Variants in DLGAP2 observed in about 807,000 individuals in gnomAD.
DLGAP2 encodes the protein DLG associated protein 2, also known as disks large-associated protein 2.
DLGAP2 carries 26 observed loss-of-function variants against 100.3 expected under a neutral mutation model. That is an observed-to-expected ratio of 0.26 (90% CI 0.19 to 0.36). DLGAP2 has a LOEUF of 0.36. Among genes scored for constraint, DLGAP2 ranks in the 10% least tolerant of loss-of-function variants. DLGAP2 has a pLI of 1.00. For synonymous variants in DLGAP2, 886 were observed against 630.1 expected (o/e 1.41, Z -6.08); for missense variants, 1,858 against 1,453.2 (o/e 1.28, Z -4.53).
At chr8:1,307,094 G>C (rs1476046144) in intron 3 of DLGAP2, among the ~76,000 whole-genome samples, 1 of 152,090 alleles carries the variant, frequency 6.6e-6, no homozygotes, top group Non-Finnish European at 1.5e-5. Flanking sequence ...CTGAATGAAA[G>C]GGATGGAATG....
In DLGAP2 at chr8:1,148,146, A is replaced by C. The variant is rs144141776; in HGVS notation, c.74-110705A>C. ...TACAGATTTGATATCTTTTCTAGAC[A>C]GGACTGTTAAGATTTTTTTATTTCT... is the stretch of plus-strand genomic sequence containing the variant. On this transcript the variant is annotated intron_variant, in intron 2 of 14. Transcript: ENST00000637795. Among the ~76,000 whole-genome samples the C allele has an allele frequency of 1.9e-4, 29 of 152,302 alleles. No individual in the cohort carries two copies. The East Asian group carries it at 4.8e-3, about 25-fold the overall frequency.
At position 1,570,766 on chromosome 8, in the gene DLGAP2, C is replaced by G. The variant is rs115409969; in HGVS notation, c.1442+4872C>G. 5.9e-3 allele frequency among the ~76,000 whole-genome samples: 789 copies of G among 133,152 alleles called. 8 individuals carry two copies. The highest frequency in any genetic ancestry group is 0.022 in the African/African-American group (747 of 33,770). 87.4% of individuals were successfully genotyped at this position (133,152 alleles called of 152,430 possible). On this transcript the variant is annotated intron_variant, in intron 6 of 14. Coordinates refer to ENST00000637795, the MANE Select transcript of DLGAP2 (RefSeq NM_001346810.2). ...CTGGGATGGAGAGGAGAGGGGTGAA[C>G]TGCGGGGGTGTCTGATGAGATGGAG...
At chr8:1,224,091 G>A (rs1471157242) in intron 2 of DLGAP2, among the ~76,000 whole-genome samples, 1 of 152,162 alleles carries the variant, frequency 6.6e-6, no homozygotes, top group Non-Finnish European at 1.5e-5. Flanking sequence ...GTGGCATCGT[G>A]GCAGACAGAA....
chr8:1,512,964 C>T (rs1270074905), intron 4 of DLGAP2, among the ~76,000 whole-genome samples: 2 of 152,246 alleles, frequency 1.3e-5, no homozygotes, highest in Non-Finnish European at 2.9e-5. Flanking sequence ...ATGGGAGAGG[C>T]CACAGGCCAG....
At chr8:884,339 G>A (rs1797879496) in intron 1 of DLGAP2, among the ~76,000 whole-genome samples, 1 of 152,178 alleles carries the variant, frequency 6.6e-6, no homozygotes, top group Non-Finnish European at 1.5e-5. Context: ...CATTCTGACT[G>A]GCATGAGATG....
At chr8:1,070,603 G>A (rs879938365) in intron 2 of DLGAP2, among the ~76,000 whole-genome samples, 2 of 152,252 alleles carry the variant, frequency 1.3e-5, no homozygotes, top group South Asian at 2.1e-4. Context: ...AGTTTGAAAG[G>A]TGCAGCTTTC....
rs1280329368 is a variant in DLGAP2 at position 1,235,876 on chromosome 8, T to C, written c.74-22975T>C. 4.6e-4 allele frequency among the ~76,000 whole-genome samples: 4 copies of C among 8,650 alleles called. 2 individuals carry two copies. The East Asian group carries it at 6.0e-3, about 13-fold the overall frequency. The allele number at this position is 8,650 out of a possible 152,430, so 5.7% of individuals were successfully genotyped here. A position where few individuals can be genotyped will look rare whatever the true frequency, so the allele number is the denominator to read the frequency against. The stretch of plus-strand genomic sequence containing the variant: ...TGGTTCTCTCACATGGCGCCGTGTC[T>C]AGTTCTCTGCCACATGGCGCCGTGT... On this transcript the variant is annotated intron_variant, in intron 2 of 14. Transcript: ENST00000637795.
At chr8:1,409,898 C>G (rs1256774129) in intron 3 of DLGAP2, among the ~76,000 whole-genome samples, 1 of 152,224 alleles carries the variant, frequency 6.6e-6, no homozygotes, top group South Asian at 2.1e-4. Context: ...ACACCTGACC[C>G]CGTGGGTCTC....
At chr8:1,090,710 C>A (rs952627667) in intron 2 of DLGAP2, among the ~76,000 whole-genome samples, 1 of 152,202 alleles carries the variant, frequency 6.6e-6, no homozygotes, top group Non-Finnish European at 1.5e-5. Context: ...GACTCCAGGG[C>A]ACCCTGGGGT....
chr8:904,478 C>T (rs1798333936), intron 1 of DLGAP2, among the ~76,000 whole-genome samples: 1 of 152,196 alleles, frequency 6.6e-6, no homozygotes, highest in Non-Finnish European at 1.5e-5. Context: ...TGGGATCGCA[C>T]CACTGCACTC....
In DLGAP2 at chr8:816,187, A is replaced by C. The variant is rs185984922; in HGVS notation, c.18+78362A>C. On this transcript the variant is annotated intron_variant, in intron 1 of 14. Transcript: ENST00000637795. ...CTACCATTCTGTATCTTTTAAGTGGAACATTTAGTACATTTACATTCAATG... is the reference window on the plus strand; with the variant it reads ...CTACCATTCTGTATCTTTTAAGTGGCACATTTAGTACATTTACATTCAATG... 1.4e-3 allele frequency among the ~76,000 whole-genome samples: 214 copies of C among 152,122 alleles called. 1 individual carries two copies. The highest frequency in any genetic ancestry group is 5.1e-3 in the African/African-American group (210 of 41,496).
intron 3 of DLGAP2, chr8:1,262,486 G>A (rs1799371461): frequency 6.6e-6 from 1 of 152,118 alleles, no homozygotes; most frequent in Non-Finnish European, 1.5e-5. Context: ...TTTAGTTAAC[G>A]AGGGTCTGGA....
At chr8:1,281,888 A>T (rs73670707) in intron 3 of DLGAP2, among the ~76,000 whole-genome samples, 3,366 of 152,340 alleles carry the variant, frequency 0.022, 131 homozygotes, top group African/African-American at 0.077. Flanking sequence ...GAGACGTTCA[A>T]ACCACAGCCA....
intron 3 of DLGAP2, among the ~76,000 whole-genome samples, chr8:1,441,495 C>T (rs539225844): frequency 6.6e-6 from 1 of 152,078 alleles, no homozygotes; most frequent in South Asian, 2.1e-4. Flanking sequence ...CAAGACCATC[C>T]TGGCAAACAT....
chr8:1,282,380 C>G (rs1488812868), intron 3 of DLGAP2, among the ~76,000 whole-genome samples: 76,948 of 114,486 alleles, frequency 0.67, 26,471 homozygotes, highest in Non-Finnish European at 0.73. Flanking sequence ...AACCCAGCAC[C>G]TGAAGCATCC....
rs1168903408 is a variant in DLGAP2 at position 1,322,685 on chromosome 8, C to A, written c.106+63802C>A. ...CACCCACCCATCGTGCTGCGTCCTG[C>A]CTCTGTGACTTCACACATGTTGTTC... On this transcript the variant is annotated intron_variant, in intron 3 of 14. Transcript: ENST00000637795. Among the ~76,000 whole-genome samples the A allele has an allele frequency of 5.3e-5, 8 of 152,370 alleles. 1 individual carries two copies. The highest frequency in any genetic ancestry group is 5.9e-5 in the Non-Finnish European group (4 of 68,044).
At chr8:1,542,393 C>T (rs1801392267) in intron 4 of DLGAP2, among the ~76,000 whole-genome samples, 1 of 152,194 alleles carries the variant, frequency 6.6e-6, no homozygotes, top group South Asian at 2.1e-4. Flanking sequence ...CCTTAGCAGC[C>T]GCCTGCCCTC....
chr8:1,490,066 G>A (rs975417817), intron 3 of DLGAP2, among the ~76,000 whole-genome samples: 1 of 150,498 alleles, frequency 6.6e-6, no homozygotes, highest in Non-Finnish European at 1.5e-5. Context: ...TATTTTTTTT[G>A]CATTTTTAGT....
chr8:1,162,784 C>T (rs773812222), intron 2 of DLGAP2, among the ~76,000 whole-genome samples: 1 of 152,190 alleles, frequency 6.6e-6, no homozygotes, highest in South Asian at 2.1e-4. Flanking sequence ...GTTGTCTGTA[C>T]GGCGCTGTGG....
Sources: allele counts gnomAD v4.1 joint callset (sites outside exome capture counted in the v4.1 genomes callset), GRCh38; gene constraint gnomAD v4.1.1; transcripts MANE v1.5; gene names NCBI Gene and HGNC (gene_info 2026-07-23, HGNC 2026-07-21).